Variants in EXOC4 observed in about 807,000 individuals in gnomAD.
The protein encoded by EXOC4 is SEC8-like 1.
In EXOC4, 71 loss-of-function variants were observed where a neutral mutation model predicts 107.2. The ratio of observed to expected loss-of-function variants is 0.66; its 90% CI spans 0.55 to 0.81. The LOEUF is 0.81. EXOC4 is among the 30% of genes least tolerant of loss of function. The pLI, the probability that EXOC4 is intolerant of heterozygous loss-of-function variation, is 0.00. For missense variants in EXOC4, 1,108 were observed against 1,189.6 expected (o/e 0.93, Z 1.01); for synonymous variants, 456 against 441.2 (o/e 1.03, Z -0.42).
the EXOC4 span, among the ~76,000 whole-genome samples, chr7:134,085,232 C>T: frequency 2.0e-5 from 3 of 151,936 alleles, no homozygotes; most frequent in African/African-American, 7.3e-5. Flanking sequence ...GTAATTGCAG[C>T]TCTAGGTCAG....
At chr7:133,544,489 T>G (rs1012619739) in intron 9 of EXOC4, among the ~76,000 whole-genome samples, 1 of 152,154 alleles carries the variant, frequency 6.6e-6, no homozygotes, top group Non-Finnish European at 1.5e-5. Context: ...TGTCTTTTCT[T>G]TGTCAATCAG....
chr7:133,784,079 TTAA>T (rs1472796938), intron 10 of EXOC4, among the ~76,000 whole-genome samples: 1 of 152,216 alleles, frequency 6.6e-6, no homozygotes, highest in Non-Finnish European at 1.5e-5. Flanking sequence ...ACTAATTATG[TTAA>T]TAATTCTAAT....
intron 3 of EXOC4, among the ~76,000 whole-genome samples, chr7:133,297,213 A>G (rs531000054): frequency 1.8e-4 from 27 of 152,292 alleles, no homozygotes; most frequent in African/African-American, 6.3e-4. Flanking sequence ...TTATAGTCTG[A>G]TTATTTGGTC....
chr7:133,327,180 C>CTTCA (rs1269570340), intron 5 of EXOC4, among the ~76,000 whole-genome samples: 12 of 152,236 alleles, frequency 7.9e-5, no homozygotes, highest in Admixed American at 7.9e-4. Flanking sequence ...CTTCGCCCTG[C>CTTCA]TTCAGCTCAC....
At chr7:134,076,907 C>T in the EXOC4 span, among the ~76,000 whole-genome samples, 2 of 152,042 alleles carry the variant, frequency 1.3e-5, no homozygotes, top group African/African-American at 2.4e-5. Context: ...CATTCAGTAA[C>T]ACTCCATAAC....
At chr7:133,494,179 G>A (rs1288031294) in intron 9 of EXOC4, among the ~76,000 whole-genome samples, 3 of 152,158 alleles carry the variant, frequency 2.0e-5, no homozygotes, top group Non-Finnish European at 2.9e-5. Flanking sequence ...GTTGGTGAGG[G>A]AGAGCTTCTT....
intron 9 of EXOC4, among the ~76,000 whole-genome samples, chr7:133,506,710 A>G (rs1799671896): frequency 6.6e-6 from 1 of 152,096 alleles, no homozygotes; most frequent in Non-Finnish European, 1.5e-5. Context: ...ATTTCTTTTC[A>G]TCCTTGACAT....
chr7:133,608,151 AGAACAATTTAATCT>A (rs1244848533), intron 9 of EXOC4, among the ~76,000 whole-genome samples: 1 of 152,226 alleles, frequency 6.6e-6, no homozygotes, highest in African/African-American at 2.4e-5. Flanking sequence ...GGTTTAATAT[AGAACAATTTAATCT>A]GAGTTTGGGA....
chr7:133,751,280 G>A (rs1265751773), intron 10 of EXOC4, among the ~76,000 whole-genome samples: 2 of 152,176 alleles, frequency 1.3e-5, no homozygotes, highest in Non-Finnish European at 2.9e-5. Flanking sequence ...TCATTTGAGA[G>A]TCTAGTCACA....
intron 17 of EXOC4, among the ~76,000 whole-genome samples, chr7:134,042,929 G>C (rs1795553773): frequency 6.6e-6 from 1 of 152,166 alleles, no homozygotes; most frequent in South Asian, 2.1e-4. Context: ...CTCAGCTACT[G>C]GTGCCGGGGG....
intron 17 of EXOC4, among the ~76,000 whole-genome samples, chr7:134,053,923 C>G (rs1199980863): frequency 1.4e-5 from 2 of 142,050 alleles, no homozygotes; most frequent in African/African-American, 2.7e-5. Context: ...ATAGCTGGTA[C>G]TTTTTATTTT....
At chr7:133,842,458 G>A (rs1240425003) in intron 11 of EXOC4, among the ~76,000 whole-genome samples, 1 of 152,154 alleles carries the variant, frequency 6.6e-6, no homozygotes, top group Non-Finnish European at 1.5e-5. Context: ...CTTTCAAAAA[G>A]TATCTGTTCA....
At chr7:133,867,934 C>G (rs1257224869) in intron 11 of EXOC4, among the ~76,000 whole-genome samples, 1 of 152,162 alleles carries the variant, frequency 6.6e-6, no homozygotes, top group Non-Finnish European at 1.5e-5. Context: ...TGCTAATGGC[C>G]TTCTCTTTTA....
intron 9 of EXOC4, among the ~76,000 whole-genome samples, chr7:133,569,959 AT>A (rs1800985856): frequency 6.6e-6 from 1 of 152,134 alleles, no homozygotes; most frequent in African/African-American, 2.4e-5. Context: ...TTCGCCACTA[AT>A]TTTTATAAGA....
chr7:133,725,945 G>A (rs903458337), intron 10 of EXOC4, among the ~76,000 whole-genome samples: 1 of 152,144 alleles, frequency 6.6e-6, no homozygotes, highest in African/African-American at 2.4e-5. Flanking sequence ...AAAGGTGTTT[G>A]GACTCCACAT....
chr7:133,825,009 G>T (rs1797666527), intron 11 of EXOC4, among the ~76,000 whole-genome samples: 1 of 152,048 alleles, frequency 6.6e-6, no homozygotes, highest in Non-Finnish European at 1.5e-5. Flanking sequence ...AATCGATTCA[G>T]TTTGCTATGT....
At chr7:133,317,422 TTTAGTATGTC>T (rs1302969642) in intron 5 of EXOC4, 32 bp downstream of exon 5, 1 of 1,434,228 alleles carries the variant, frequency 7.0e-7, no homozygotes, top group Non-Finnish European at 9.8e-7. Context: ...CACTAAGCTT[TTTAGTATGTC>T]TTAGTTCCTA....
chr7:133,948,138 C>A (rs1800598577), intron 14 of EXOC4, among the ~76,000 whole-genome samples: 1 of 152,160 alleles, frequency 6.6e-6, no homozygotes, highest in African/African-American at 2.4e-5. Context: ...CCACACAGAA[C>A]CACGAGTTCC....
chr7:133,323,785 G>A (rs1385583281), intron 5 of EXOC4, among the ~76,000 whole-genome samples: 1 of 152,148 alleles, frequency 6.6e-6, no homozygotes, highest in Non-Finnish European at 1.5e-5. Flanking sequence ...AGAAGGAATG[G>A]TACCAGCTCC....
Sources: allele counts gnomAD v4.1 joint callset (sites outside exome capture counted in the v4.1 genomes callset), GRCh38; gene constraint gnomAD v4.1.1; transcripts MANE v1.5; gene names NCBI Gene and HGNC (gene_info 2026-07-23, HGNC 2026-07-21).